The following TEX9 variants were observed in gnomAD, a reference collection of about 807,000 sequenced individuals.
The protein encoded by TEX9 is testis-expressed protein 9.
TEX9 carries 74 observed loss-of-function variants against 59.6 expected under a neutral mutation model. That is an observed-to-expected ratio of 1.24 (90% CI 1.03 to 1.51). The LOEUF is 1.51. Ranked by LOEUF, TEX9 falls within the 40% of genes most tolerant of loss-of-function variation. TEX9 has a pLI of 0.00. For missense variants in TEX9, 522 were observed against 447.8 expected (o/e 1.17, Z -1.49); for synonymous variants, 186 against 152.2 (o/e 1.22, Z -1.64).
At chr15:56,262,256 G>A (rs945875485) in intron 1 of TEX9, among the ~76,000 whole-genome samples, 17 of 152,222 alleles carry the variant, frequency 1.1e-4, no homozygotes, top group African/African-American at 4.1e-4. Context: ...GGCAAATGAG[G>A]AATTGGAGCA....
intron 1 of TEX9, among the ~76,000 whole-genome samples, chr15:56,258,305 G>C (rs1163164738): frequency 1.3e-5 from 2 of 152,084 alleles, no homozygotes; most frequent in Non-Finnish European, 2.9e-5. Context: ...TTTTAAAATT[G>C]TGTTTTCTAG....
At chr15:56,447,937 A>G (rs74696353), downstream of TEX9, among the ~76,000 whole-genome samples, 372 of 152,258 alleles carry the variant, frequency 2.4e-3, 1 homozygote, top group East Asian at 0.019. Context: ...CTTTCACTCA[A>G]TATTTTCAAA....
chr15:56,272,837 A>G (rs1166905028), intron 1 of TEX9, among the ~76,000 whole-genome samples: 1 of 151,942 alleles, frequency 6.6e-6, no homozygotes, highest in African/African-American at 2.4e-5. Context: ...TCATCTTGCT[A>G]GTTGTCTGCT....
chr15:56,442,587 G>A lies in TEX9; in HGVS notation c.*30-3084G>A, dbSNP rs138118213. 3.3e-3 allele frequency among the ~76,000 whole-genome samples: 496 copies of A among 152,234 alleles called. 3 individuals carry two copies. The highest frequency in any genetic ancestry group is 0.011 in the African/African-American group (453 of 41,544). ...AAAAGAACAAAATCATATCCTTTGC[G>A]TCAACATGGATGGAGCTGGAGGCCA... On this transcript the variant is annotated intron_variant, in intron 12 of 12. Coordinates refer to ENST00000352903, the Ensembl canonical transcript of TEX9.
At chr15:56,245,255 C>T in intron 1 of TEX9, among the ~76,000 whole-genome samples, 1 of 152,186 alleles carries the variant, frequency 6.6e-6, no homozygotes, top group Non-Finnish European at 1.5e-5. Flanking sequence ...TCCTGGCCCA[C>T]AGACTTAAGG....
At chr15:56,346,375 T>G (rs978224334) in intron 1 of TEX9, among the ~76,000 whole-genome samples, 26 of 152,296 alleles carry the variant, frequency 1.7e-4, no homozygotes, top group Admixed American at 5.2e-4. Flanking sequence ...TGGCTCTTAC[T>G]AGGGATGGGC....
chr15:56,401,454 A>G (rs1212622984), intron 9 of TEX9, among the ~76,000 whole-genome samples: 1 of 152,202 alleles, frequency 6.6e-6, no homozygotes, highest in African/African-American at 2.4e-5. Flanking sequence ...TATCCTAAAT[A>G]TTTATGCACC....
chr15:56,272,158 G>A (rs1212786942), intron 1 of TEX9, among the ~76,000 whole-genome samples: 2 of 138,042 alleles, frequency 1.4e-5, no homozygotes, highest in Non-Finnish European at 3.3e-5. Context: ...AAAAAAAAAT[G>A]TACAATTTAG....
intron 10 of TEX9, among the ~76,000 whole-genome samples, chr15:56,420,528 G>A (rs1192193012): frequency 6.6e-6 from 1 of 151,700 alleles, no homozygotes; most frequent in Non-Finnish European, 1.5e-5. Context: ...GACTGGTCTC[G>A]AACTACTAAC....
intron 3 of TEX9, among the ~76,000 whole-genome samples, chr15:56,378,438 A>C (rs1362541705): frequency 6.7e-6 from 1 of 150,240 alleles, no homozygotes; most frequent in African/African-American, 2.4e-5. Context: ...TTCATGGTTC[A>C]ATCTTGGTGG....
rs534425572 is a variant in TEX9 at position 56,410,555 on chromosome 15, A to G, written c.829-1747A>G. 2.6e-5 allele frequency among the ~76,000 whole-genome samples: 4 copies of G among 152,262 alleles called. No individual in the cohort carries two copies. The East Asian group carries it at 5.8e-4, about 22-fold the overall frequency. On this transcript the variant is annotated intron_variant, in intron 9 of 12. Coordinates refer to ENST00000352903, the Ensembl canonical transcript of TEX9. ...GCAACCTGTAACTCCTTAAATTTTT[A>G]TAACAGTAGAAATTTGTTTAGTGGA...
upstream of TEX9, among the ~76,000 whole-genome samples, chr15:56,360,473 A>G (rs911789881): frequency 1.3e-5 from 2 of 152,172 alleles, no homozygotes; most frequent in Admixed American, 1.3e-4. Context: ...CATTTCATCT[A>G]ATTTATTAAA....
chr15:56,397,506 C>G (rs949071178), intron 9 of TEX9: 2 of 152,214 alleles, frequency 1.3e-5, no homozygotes, highest in East Asian at 3.9e-4. Context: ...GAATGTTAAT[C>G]CCCAGGACAA....
intron 10 of TEX9, among the ~76,000 whole-genome samples, chr15:56,417,534 T>C (rs2049754925): frequency 6.6e-6 from 1 of 151,426 alleles, no homozygotes; most frequent in Admixed American, 6.6e-5. Flanking sequence ...CTCCAGTTTA[T>C]TGTGCTGTGG....
intron 12 of TEX9, chr15:56,428,513 GAATT>G (rs1370028863): frequency 8.2e-6 from 9 of 1,096,524 alleles, no homozygotes; most frequent in African/African-American, 1.6e-5. Context: ...GTAGTGGTTT[GAATT>G]ATTTTTATTC....
At chr15:56,448,692 A>G (rs2140366767), downstream of TEX9, among the ~76,000 whole-genome samples, 1 of 151,984 alleles carries the variant, frequency 6.6e-6, no homozygotes, top group East Asian at 1.9e-4. Context: ...ACAGCAATAA[A>G]CATATAAATG....
chr15:56,353,801 A>G (rs1428329400), intron 1 of TEX9, among the ~76,000 whole-genome samples: 1 of 152,194 alleles, frequency 6.6e-6, no homozygotes, highest in Admixed American at 6.5e-5. Context: ...AATTCCTCAA[A>G]CATATTGTTG....
chr15:56,298,419 T>C (rs2045266554), intron 1 of TEX9, among the ~76,000 whole-genome samples: 1 of 152,270 alleles, frequency 6.6e-6, no homozygotes, highest in East Asian at 1.9e-4. Context: ...TAGCTTAGTA[T>C]TCAGGTTTCT....
intron 3 of TEX9, among the ~76,000 whole-genome samples, chr15:56,377,296 G>A (rs796874861): frequency 9.2e-5 from 14 of 152,132 alleles, no homozygotes; most frequent in African/African-American, 1.9e-4. Context: ...GTGAAAATGC[G>A]ATTGGTATTT....
Sources: allele counts gnomAD v4.1 joint callset (sites outside exome capture counted in the v4.1 genomes callset), GRCh38; gene constraint gnomAD v4.1.1; transcripts MANE v1.5; gene names NCBI Gene and HGNC (gene_info 2026-07-23, HGNC 2026-07-21).